Variants in SH3RF1 observed in about 807,000 individuals in gnomAD.
The protein encoded by SH3RF1 is E3 ubiquitin-protein ligase SH3RF1.
A neutral mutation model predicts 74.0 loss-of-function variants in SH3RF1; 32 were observed. The observed-to-expected ratio is 0.43, with a 90% CI of 0.33 to 0.58. SH3RF1 has a LOEUF of 0.58. Among genes scored for constraint, SH3RF1 ranks in the 20% least tolerant of loss-of-function variants. SH3RF1 has a pLI of 0.05. For synonymous variants in SH3RF1, 396 were observed against 439.6 expected (o/e 0.90, Z 1.24); for missense variants, 954 against 1,130.9 (o/e 0.84, Z 2.24).
chr4:169,233,624 T>C (rs754461916), intron 2 of SH3RF1, among the ~76,000 whole-genome samples: 26 of 152,230 alleles, frequency 1.7e-4, no homozygotes, highest in Non-Finnish European at 3.5e-4. Flanking sequence ...TTGTCTTAGA[T>C]GGCTTTGGTT....
chr4:169,239,850 G>A (rs557473938), intron 2 of SH3RF1, among the ~76,000 whole-genome samples: 7 of 152,024 alleles, frequency 4.6e-5, no homozygotes, highest in Non-Finnish European at 7.4e-5. Context: ...GTGAAACCCC[G>A]TCTCTAATGA....
At position 169,237,949 on chromosome 4, in the gene SH3RF1, C is replaced by T. The variant is rs1009533203; in HGVS notation, c.393+30871G>A. Among the ~76,000 whole-genome samples, 3 of 152,180 alleles carry T rather than the reference C, an allele frequency of 2.0e-5. No individual in the cohort carries two copies. The East Asian group carries it at 5.8e-4, about 29-fold the overall frequency. ...ATCTCCCACCTTTGATCTGTAAGTC[C>T]TTGGCCTGCCTTTAGCAAGAGTCCT... On this transcript the variant is annotated intron_variant, in intron 2 of 11. Coordinates refer to ENST00000284637, the MANE Select transcript of SH3RF1 (RefSeq NM_020870.4).
chr4:169,172,439 C>T (rs1437213644), intron 2 of SH3RF1, among the ~76,000 whole-genome samples: 2 of 152,152 alleles, frequency 1.3e-5, no homozygotes, highest in African/African-American at 2.4e-5. Context: ...GATTTATTGA[C>T]TTCATATCAG....
intron 2 of SH3RF1, among the ~76,000 whole-genome samples, chr4:169,181,263 T>C (rs1043575115): frequency 1.5e-4 from 21 of 144,612 alleles, no homozygotes; most frequent in Admixed American, 1.4e-3. Flanking sequence ...AAGCCTTTTT[T>C]TTTTTTTTTT....
intron 2 of SH3RF1, among the ~76,000 whole-genome samples, chr4:169,187,714 TAAA>T (rs1734632505): frequency 6.6e-6 from 1 of 152,124 alleles, no homozygotes; most frequent in Non-Finnish European, 1.5e-5. Context: ...ATGTCAGATG[TAAA>T]AAGTTACCAG....
chr4:169,120,598 T>C (rs1733421879), intron 8 of SH3RF1, among the ~76,000 whole-genome samples: 1 of 152,178 alleles, frequency 6.6e-6, no homozygotes, highest in Admixed American at 6.5e-5. Context: ...ACCCAGTACA[T>C]TTACTGGTAG....
rs75492486 is a variant in SH3RF1 at position 169,265,047 on chromosome 4, C to T, written c.393+3773G>A. Among the ~76,000 whole-genome samples the T allele has an allele frequency of 8.7e-3, 1,320 of 152,310 alleles. 22 individuals are homozygous for T. Among genetic ancestry groups the T allele is most frequent in the African/African-American group, 0.03 (1,263 of 41,554 alleles). ...ACACAATTCACCCTCACGCTAAATG[C>T]AGGTCTTTCTTCTATCCTCTCCCCT... On this transcript the variant is annotated intron_variant, in intron 2 of 11. Transcript: ENST00000284637.
intron 5 of SH3RF1, among the ~76,000 whole-genome samples, chr4:169,135,052 G>C (rs1340662877): frequency 6.6e-6 from 1 of 152,112 alleles, no homozygotes; most frequent in Admixed American, 6.6e-5. Flanking sequence ...TCAAATAAAT[G>C]AGGCTGAGGC....
chr4:169,169,994 G>C (rs1295287673), intron 2 of SH3RF1, among the ~76,000 whole-genome samples: 1 of 151,642 alleles, frequency 6.6e-6, no homozygotes, highest in East Asian at 1.9e-4. Flanking sequence ...AATGCTACTG[G>C]AAAAAGTAAT....
intron 2 of SH3RF1, among the ~76,000 whole-genome samples, chr4:169,233,736 C>T (rs916486999): frequency 1.3e-5 from 2 of 152,154 alleles, no homozygotes; most frequent in African/African-American, 4.8e-5. Context: ...CAGCAAACCA[C>T]CTCCCTCTAC....
Position 169,202,664 on chromosome 4 carries a change from C to T in SH3RF1, c.394-45985G>A, listed in dbSNP as rs956491759. Among the ~76,000 whole-genome samples, 3 of 152,182 alleles carry T rather than the reference C, an allele frequency of 2.0e-5. No homozygotes were observed. In the South Asian group the frequency reaches 6.2e-4, roughly 31 times the overall value. ...GCATCAGTTAATTCCAAGCCTGCCT[C>T]CCTATTTCTACAGAAATAACACAAT... On this transcript the variant is annotated intron_variant, in intron 2 of 11. Coordinates refer to ENST00000284637, the MANE Select transcript of SH3RF1 (RefSeq NM_020870.4).
chr4:169,179,137 G>A (rs1366032735), intron 2 of SH3RF1, among the ~76,000 whole-genome samples: 2 of 152,160 alleles, frequency 1.3e-5, no homozygotes, highest in African/African-American at 4.8e-5. Context: ...GTAATCACAA[G>A]GGCAATTAAA....
intron 2 of SH3RF1, among the ~76,000 whole-genome samples, chr4:169,174,366 A>T (rs1734383122): frequency 6.6e-6 from 1 of 152,154 alleles, no homozygotes; most frequent in Non-Finnish European, 1.5e-5. Context: ...CCAGGCCAAA[A>T]CTGGTGCTTT....
At chr4:169,214,317 C>A (rs1730426843) in intron 2 of SH3RF1, among the ~76,000 whole-genome samples, 3 of 152,220 alleles carry the variant, frequency 2.0e-5, no homozygotes, top group African/African-American at 7.2e-5. Flanking sequence ...CTCCCTGAGG[C>A]CTCACCAGAA....
intron 2 of SH3RF1, among the ~76,000 whole-genome samples, chr4:169,214,910 C>A (rs1730438868): frequency 6.6e-6 from 1 of 152,076 alleles, no homozygotes; most frequent in Non-Finnish European, 1.5e-5. Flanking sequence ...CCTCTGTAAA[C>A]AGACATTTTT....
intron 6 of SH3RF1, among the ~76,000 whole-genome samples, chr4:169,126,373 T>G: frequency 6.6e-6 from 1 of 152,220 alleles, no homozygotes; most frequent in African/African-American, 2.4e-5. Flanking sequence ...CACCCTGATT[T>G]TTAGATCTCC....
intron 11 of SH3RF1, among the ~76,000 whole-genome samples, chr4:169,099,325 G>C (rs191242269): frequency 6.6e-6 from 1 of 152,200 alleles, no homozygotes; most frequent in Non-Finnish European, 1.5e-5. Context: ...CTTGGCTCAA[G>C]CAATCTTCCA....
chr4:169,113,687 T>G (rs1733281824), intron 10 of SH3RF1, among the ~76,000 whole-genome samples: 1 of 152,040 alleles, frequency 6.6e-6, no homozygotes, highest in Non-Finnish European at 1.5e-5. Context: ...CTAAAGACAC[T>G]CTAGTCATGA....
At chr4:169,199,129 G>A (rs1232755485) in intron 2 of SH3RF1, among the ~76,000 whole-genome samples, 1 of 152,228 alleles carries the variant, frequency 6.6e-6, no homozygotes, top group African/African-American at 2.4e-5. Flanking sequence ...AGCATGTAAA[G>A]TAGGAGAGAA....
Sources: allele counts gnomAD v4.1 joint callset (sites outside exome capture counted in the v4.1 genomes callset), GRCh38; gene constraint gnomAD v4.1.1; transcripts MANE v1.5; gene names NCBI Gene and HGNC (gene_info 2026-07-23, HGNC 2026-07-21).